Variants in FBXO45 observed in about 807,000 individuals in gnomAD.
FBXO45 encodes F-box protein 45.
In FBXO45, 3 loss-of-function variants were observed where a neutral mutation model predicts 25.5. That is an observed-to-expected ratio of 0.12 (90% CI 0.05 to 0.30). The LOEUF (loss-of-function observed/expected upper bound fraction) is 0.30. Ranked by LOEUF, FBXO45 falls within the 10% of genes least tolerant of loss-of-function variation. The pLI is 1.00. For synonymous variants in FBXO45, 155 were observed against 149.8 expected, an observed-to-expected ratio of 1.03 and a Z score of -0.25; for missense variants, 219 against 365.0, an observed-to-expected ratio of 0.60 and a Z score of 3.26.
rs1005886054 is a variant in FBXO45 at position 196,569,655 on chromosome 3, A to G, written c.318+353A>G. Among the ~76,000 whole-genome samples the G allele has an allele frequency of 5.9e-5, 9 of 152,224 alleles. No homozygotes were observed. Among genetic ancestry groups the G allele is most frequent in the African/African-American group, 1.9e-4 (8 of 41,456 alleles). ...CCGGCCTCCAGATAGACTTCATTAT[A>G]TTAAATAATCCCGGCCACCTTAACA... On this transcript the variant is annotated intron_variant, in intron 1 of 2. Coordinates refer to ENST00000311630, the MANE Select transcript of FBXO45 (RefSeq NM_001105573.2). The surrounding 1 kb of genome is among the most constrained non-coding windows in gnomAD (Gnocchi z 4.1).
At chr3:196,583,107 C>T (rs905502699) in intron 2 of FBXO45, among the ~76,000 whole-genome samples, 2 of 152,110 alleles carry the variant, frequency 1.3e-5, no homozygotes, top group African/African-American at 4.8e-5. Context: ...TGGAATCATA[C>T]CATTTAGCCT....
chr3:196,577,891 A>G lies in FBXO45; in HGVS notation c.675+82A>G, dbSNP rs61138270. 7,263 of 824,734 alleles carry G rather than the reference A, an allele frequency of 8.8e-3. 213 individuals carry two copies. Among genetic ancestry groups the G allele is most frequent in the African/African-American group, 0.081 (4,521 of 55,746 alleles). 51.1% of individuals were successfully genotyped at this position (824,734 alleles called of 1,614,324 possible). Reference sequence around the variant, plus strand: ...GTTTTAAATTTACAAATTTTTATATAGCAGTTTTTGTCTTTTTGGTAATTT... The same window carrying G: ...GTTTTAAATTTACAAATTTTTATATGGCAGTTTTTGTCTTTTTGGTAATTT... On this transcript the variant is annotated intron_variant, in intron 2 of 2. Coordinates refer to ENST00000311630, the MANE Select transcript of FBXO45 (RefSeq NM_001105573.2).
At chr3:196,583,990 T>C (rs547666656) in intron 2 of FBXO45, 143 bp from the exon 3 acceptor site, 3 of 759,744 alleles carry the variant, frequency 3.9e-6, no homozygotes, top group East Asian at 5.6e-5. Context: ...TGTTTCTTCC[T>C]GACTAGAAAG....
chr3:196,581,622 A>G (rs550383068), intron 2 of FBXO45, among the ~76,000 whole-genome samples: 9 of 152,302 alleles, frequency 5.9e-5, no homozygotes, highest in South Asian at 2.1e-4. Context: ...GGACATATTC[A>G]TAACAGCTGC....
At chr3:196,570,165 A>G (rs1190109218) in intron 1 of FBXO45, among the ~76,000 whole-genome samples, 2 of 152,230 alleles carry the variant, frequency 1.3e-5, no homozygotes, top group African/African-American at 2.4e-5. Flanking sequence ...GCTATTCAGT[A>G]TAGCAGTCAA....
intron 1 of FBXO45, among the ~76,000 whole-genome samples, chr3:196,576,002 C>T (rs961144053): frequency 6.6e-6 from 1 of 152,124 alleles, no homozygotes; most frequent in Non-Finnish European, 1.5e-5. Context: ...ACGTTTTGGT[C>T]TTATAAGTGC....
At position 196,579,995 on chromosome 3, in the gene FBXO45, G is replaced by A. The variant is rs114520042; in HGVS notation, c.675+2186G>A. Among the ~76,000 whole-genome samples, 849 of 151,708 alleles carry A rather than the reference G, an allele frequency of 5.6e-3. 8 individuals are homozygous for A. The highest frequency in any genetic ancestry group is 0.017 in the African/African-American group (706 of 41,456). ...TTTATCTAACCCAGTCTCTGTCTCT[G>A]ACTTTTTTTTTTTGAGACGGAGTTT... On this transcript the variant is annotated intron_variant, in intron 2 of 2. Coordinates refer to ENST00000311630, the MANE Select transcript of FBXO45 (RefSeq NM_001105573.2).
At position 196,569,044 on chromosome 3, in the gene FBXO45, C is replaced by T. The variant is rs1735715496; in HGVS notation, c.60C>T (p.Gly20=). 1 of 1,089,664 alleles carries T rather than the reference C, an allele frequency of 9.2e-7. No individual in the cohort carries two copies. The highest frequency in any genetic ancestry group is 1.1e-6 in the Non-Finnish European group (1 of 899,594). 67.5% of individuals were successfully genotyped at this position (1,089,664 alleles called of 1,614,324 possible). The change falls in exon 1 of 3, where the codon GGC becomes GGT. Residue 20 remains glycine, a synonymous_variant. Coordinates refer to ENST00000311630, the MANE Select transcript of FBXO45 (RefSeq NM_001105573.2). This position sits in a 1 kb window ranked among gnomAD's most constrained non-coding sequence, Gnocchi z 4.1. ...CGGGCGGCGCTGGCTGTAGCGGCGGCGGCGCGGGCGCGGGCGCGGGCTCGG... is the reference window on the plus strand; with the variant it reads ...CGGGCGGCGCTGGCTGTAGCGGCGGTGGCGCGGGCGCGGGCGCGGGCTCGG... ...AASGGAGCSG[G]GAGAGAGSGS...
At chr3:196,582,684 G>A (rs922600967) in intron 2 of FBXO45, among the ~76,000 whole-genome samples, 7 of 148,888 alleles carry the variant, frequency 4.7e-5, no homozygotes, top group African/African-American at 1.2e-4. Context: ...TTCCAGTTTC[G>A]TTTAATAATC....
chr3:196,571,991 G>C (rs1693824980), intron 1 of FBXO45, among the ~76,000 whole-genome samples: 1 of 152,166 alleles, frequency 6.6e-6, no homozygotes, highest in Admixed American at 6.5e-5. Flanking sequence ...GCTCCTTACT[G>C]TTACAGACAT....
At chr3:196,582,971 C>G (rs2108729305) in intron 2 of FBXO45, among the ~76,000 whole-genome samples, 1 of 152,210 alleles carries the variant, frequency 6.6e-6, no homozygotes, top group South Asian at 2.1e-4. Flanking sequence ...TCTCTATACC[C>G]AAAACTTTTT....
chr3:196,581,167 A>G lies in FBXO45; in HGVS notation c.676-2966A>G, dbSNP rs151218928. On this transcript the variant is annotated intron_variant, in intron 2 of 2. Coordinates refer to ENST00000311630, the MANE Select transcript of FBXO45 (RefSeq NM_001105573.2). ...CTCACCTCTGCTATTGAACTGGGCT[A>G]GTAAATTTTGCTTATTGTACACTTC... 2.8e-3 allele frequency among the ~76,000 whole-genome samples: 384 copies of G among 139,072 alleles called. 4 individuals carry two copies. The highest frequency in any genetic ancestry group is 1.7e-3 in the Non-Finnish European group (113 of 64,654). The allele number at this position is 139,072 out of a possible 152,430, so 91.2% of individuals were successfully genotyped here.
intron 2 of FBXO45, among the ~76,000 whole-genome samples, chr3:196,583,233 C>T (rs1325330021): frequency 2.0e-5 from 3 of 152,108 alleles, no homozygotes; most frequent in Admixed American, 2.0e-4. Flanking sequence ...TACGGCCGGG[C>T]GCGATGGCTC....
intron 2 of FBXO45, among the ~76,000 whole-genome samples, chr3:196,582,164 C>T (rs551140527): frequency 2.6e-5 from 4 of 152,154 alleles, no homozygotes; most frequent in Admixed American, 6.5e-5. Context: ...GGGCTTTGTG[C>T]GTGCTGTGTG....
chr3:196,576,201 C>G (rs1490575942), intron 1 of FBXO45, among the ~76,000 whole-genome samples: 1 of 152,196 alleles, frequency 6.6e-6, no homozygotes, highest in Non-Finnish European at 1.5e-5. Flanking sequence ...TCCTTGATCT[C>G]TCTTTGGGCC....
intron 1 of FBXO45, among the ~76,000 whole-genome samples, chr3:196,570,049 A>G (rs1035111744): frequency 2.0e-5 from 3 of 152,180 alleles, no homozygotes; most frequent in Non-Finnish European, 4.4e-5. Context: ...GCCCGCCTTC[A>G]TATACAAAAT....
At chr3:196,573,730 TG>T (rs62686162) in intron 1 of FBXO45, among the ~76,000 whole-genome samples, 33,989 of 150,766 alleles carry the variant, frequency 0.23, 4,282 homozygotes, top group Non-Finnish European at 0.29. Flanking sequence ...TCTGTTCAGT[TG>T]TTTTTTTTTT....
chr3:196,573,099 TA>T (rs913325739), intron 1 of FBXO45, among the ~76,000 whole-genome samples: 4 of 152,090 alleles, frequency 2.6e-5, no homozygotes, highest in Non-Finnish European at 5.9e-5. Flanking sequence ...TTTTTATTAT[TA>T]TTTTTTTTTG....
chr3:196,569,039 G>A lies in FBXO45; in HGVS notation c.55G>A (p.Gly19Ser). The A allele has an allele frequency of 9.3e-7, 1 of 1,073,002 alleles. No individual in the cohort carries two copies. Among genetic ancestry groups the A allele is most frequent in the Non-Finnish European group, 1.1e-6 (1 of 889,622 alleles). 66.5% of individuals were successfully genotyped at this position (1,073,002 alleles called of 1,614,324 possible). ...AGCCTCGGGCGGCGCTGGCTGTAGC[G>A]GCGGCGGCGCGGGCGCGGGCGCGGG... ...GAASGGAGCS[G>S]GGAGAGAGSG... The change falls in exon 1 of 3, where the codon GGC (glycine) becomes AGC (serine). Residue 19 changes from glycine to serine, a missense_variant. This residue lies in a region of FBXO45 where 138 missense variants were observed against 157.3 expected (regional missense o/e 0.88). Transcript: ENST00000311630. This position sits in a 1 kb window ranked among gnomAD's most constrained non-coding sequence, Gnocchi z 4.1.
Sources: allele counts gnomAD v4.1 joint callset (sites outside exome capture counted in the v4.1 genomes callset), GRCh38; gene constraint gnomAD v4.1.1; regional missense constraint gnomAD v4.1.1; non-coding constraint Gnocchi (gnomAD v3.1); transcripts MANE v1.5; gene names NCBI Gene and HGNC (gene_info 2026-07-23, HGNC 2026-07-21).